ESRRG: variants seen among roughly 807,000 people sequenced by gnomAD.
The protein encoded by ESRRG is estrogen related receptor gamma, also known as estrogen-related receptor gamma.
In ESRRG, 13 loss-of-function variants were observed where a neutral mutation model predicts 44.0. The ratio of observed to expected loss-of-function variants is 0.30; its 90% CI spans 0.19 to 0.47. ESRRG has a LOEUF of 0.47. Among genes scored for constraint, ESRRG ranks in the 20% least tolerant of loss-of-function variants. The probability of loss-of-function intolerance (pLI) is 1.00; values close to 1 mark genes in which losing one functional copy is unlikely to be tolerated. For synonymous variants in ESRRG, 215 were observed against 214.6 expected (o/e 1.00, Z -0.02); for missense variants, 395 against 580.6 (o/e 0.68, Z 3.29).
At position 216,705,161 on chromosome 1, in the gene ESRRG, G is replaced by A. The variant is rs115491342; in HGVS notation, c.56+18083C>T. Among the ~76,000 whole-genome samples, 331 of 151,956 alleles carry A rather than the reference G, an allele frequency of 2.2e-3. 1 individual carries two copies. The highest frequency in any genetic ancestry group is 3.8e-3 in the Non-Finnish European group (257 of 67,978). On this transcript the variant is annotated intron_variant, in intron 1 of 6. Transcript: ENST00000408911. ...GTACCTGTCCATGTGGTTTATCTAG[G>A]CACAAAACACACAGTTACATAGAGA...
chr1:217,133,191 TCA>T (rs1473905855), intron 1 of ESRRG, among the ~76,000 whole-genome samples: 2 of 152,240 alleles, frequency 1.3e-5, no homozygotes, highest in African/African-American at 4.8e-5. Context: ...CGAGTGAGTC[TCA>T]CAGCCAGAGC....
At chr1:216,748,020 G>T (rs1297226705) in intron 2 of ESRRG, among the ~76,000 whole-genome samples, 1 of 152,120 alleles carries the variant, frequency 6.6e-6, no homozygotes, top group Non-Finnish European at 1.5e-5. Context: ...AGATACTATT[G>T]AAATAGAGTT....
At chr1:217,013,021 C>T (rs2150813536) in intron 1 of ESRRG, among the ~76,000 whole-genome samples, 1 of 152,234 alleles carries the variant, frequency 6.6e-6, no homozygotes, top group East Asian at 1.9e-4. Flanking sequence ...CATATCATGT[C>T]TTCCTTCTAT....
At chr1:216,556,737 A>C (rs1174668970) in intron 5 of ESRRG, among the ~76,000 whole-genome samples, 1 of 152,124 alleles carries the variant, frequency 6.6e-6, no homozygotes, top group Non-Finnish European at 1.5e-5. Context: ...GGACTATCAT[A>C]GCCCTCATAA....
intron 5 of ESRRG, among the ~76,000 whole-genome samples, chr1:216,536,154 T>C (rs1435337561): frequency 6.6e-6 from 1 of 152,120 alleles, no homozygotes; most frequent in South Asian, 2.1e-4. Context: ...TAATTCTGTG[T>C]TCACTTCTTC....
At chr1:216,656,229 G>A (rs1284395572) in intron 2 of ESRRG, among the ~76,000 whole-genome samples, 4 of 152,124 alleles carry the variant, frequency 2.6e-5, no homozygotes, top group African/African-American at 9.7e-5. Flanking sequence ...TATTTTCTGG[G>A]ACACATTTGT....
intron 1 of ESRRG, among the ~76,000 whole-genome samples, chr1:217,049,233 G>A (rs552852495): frequency 6.6e-6 from 1 of 152,130 alleles, no homozygotes; most frequent in Admixed American, 6.5e-5. Flanking sequence ...AAAAATTCTT[G>A]GTTATGCAAA....
intron 1 of ESRRG, among the ~76,000 whole-genome samples, chr1:217,122,976 G>A (rs773308572): frequency 6.6e-6 from 1 of 152,032 alleles, no homozygotes; most frequent in Non-Finnish European, 1.5e-5. Flanking sequence ...ATAGGCGTGA[G>A]CCACCGCGCC....
intron 2 of ESRRG, among the ~76,000 whole-genome samples, chr1:216,730,493 C>G (rs1248025195): frequency 6.6e-6 from 1 of 152,082 alleles, no homozygotes; most frequent in Non-Finnish European, 1.5e-5. Flanking sequence ...CCACACCTTT[C>G]CCTACTCTAA....
chr1:216,888,470 A>G (rs990955614), intron 2 of ESRRG, among the ~76,000 whole-genome samples: 6 of 152,158 alleles, frequency 3.9e-5, no homozygotes, highest in African/African-American at 1.4e-4. Context: ...AGGCTTTATA[A>G]TAACAAGCTT....
At chr1:217,089,901 G>T (rs1580542801), upstream of ESRRG, among the ~76,000 whole-genome samples, 1 of 152,366 alleles carries the variant, frequency 6.6e-6, no homozygotes, top group Middle Eastern at 3.4e-3. Context: ...ACGTCATGAT[G>T]CCTGTCTGTT....
At chr1:217,023,695 C>A (rs962697488) in intron 1 of ESRRG, among the ~76,000 whole-genome samples, 1 of 152,178 alleles carries the variant, frequency 6.6e-6, no homozygotes, top group African/African-American at 2.4e-5. Flanking sequence ...ATTTCCTTGG[C>A]GTGTCTCTGT....
At chr1:216,573,506 T>C (rs1573303197) in intron 3 of ESRRG, among the ~76,000 whole-genome samples, 1 of 151,968 alleles carries the variant, frequency 6.6e-6, no homozygotes, top group Non-Finnish European at 1.5e-5. Context: ...AATGTCAAGA[T>C]CATTTATTGA....
At chr1:216,709,631 A>T (rs1007510865) in intron 1 of ESRRG, among the ~76,000 whole-genome samples, 15 of 152,050 alleles carry the variant, frequency 9.9e-5, no homozygotes, top group African/African-American at 3.6e-4. Context: ...GAATTCATAC[A>T]GACCCCTTTA....
chr1:217,050,950 A>G (rs1202162285), intron 1 of ESRRG, among the ~76,000 whole-genome samples: 1 of 152,082 alleles, frequency 6.6e-6, no homozygotes, highest in Non-Finnish European at 1.5e-5. Context: ...CATTCAGGTT[A>G]GAAATAGCCA....
chr1:216,617,483 TA>T (rs1485331822), intron 3 of ESRRG, among the ~76,000 whole-genome samples: 1 of 147,922 alleles, frequency 6.8e-6, no homozygotes, highest in Non-Finnish European at 1.5e-5. Flanking sequence ...CATTTCCTAC[TA>T]ATTGCTGCTT....
Position 216,909,549 on chromosome 1 carries a change from G to A in ESRRG, c.-14+30033C>T, listed in dbSNP as rs540192231. ...AAGTGTCACTCTCACCCAGGCTGGA[G>A]TACAGTTGTATTTTTAGTTGAGACA... is the stretch of plus-strand genomic sequence containing the variant. On this transcript the variant is annotated intron_variant, in intron 2 of 7. Transcript: ENST00000359162. Among the ~76,000 whole-genome samples, 3 of 152,166 alleles carry A rather than the reference G, an allele frequency of 2.0e-5. No homozygotes were observed. In the South Asian group the frequency reaches 6.2e-4, roughly 32 times the overall value.
intron 1 of ESRRG, among the ~76,000 whole-genome samples, chr1:217,013,044 T>G (rs1412579258): frequency 6.6e-6 from 1 of 152,218 alleles, no homozygotes; most frequent in East Asian, 1.9e-4. Flanking sequence ...ATGTTGTCTC[T>G]GTGTCCAAAT....
At chr1:217,098,554 G>C (rs2092459111) in intron 1 of ESRRG, among the ~76,000 whole-genome samples, 1 of 152,164 alleles carries the variant, frequency 6.6e-6, no homozygotes, top group Non-Finnish European at 1.5e-5. Context: ...TGATGGGCAA[G>C]TAGGAGTGTA....
Sources: gnomAD v4.1 joint callset for allele counts (sites outside exome capture counted in the v4.1 genomes callset) on GRCh38, gnomAD v4.1.1 for gene constraint, MANE v1.5 for transcripts, NCBI Gene and HGNC (gene_info 2026-07-23, HGNC 2026-07-21) for gene names.